C9orf153: variants seen among roughly 807,000 people sequenced by gnomAD.
C9orf153 encodes chromosome 9 open reading frame 153, also known as uncharacterized protein C9orf153.
Under a neutral mutation model 9.0 loss-of-function variants are expected in C9orf153, and 10 were observed. That is an observed-to-expected ratio of 1.11 (90% CI 0.69 to 1.89). The LOEUF (loss-of-function observed/expected upper bound fraction) is 1.89. Among genes scored for constraint, C9orf153 ranks in the 40% most tolerant of loss-of-function variants. C9orf153 has a pLI of 0.00. For synonymous variants in C9orf153, 35 were observed against 37.3 expected (o/e 0.94, Z 0.23); for missense variants, 108 against 111.0 (o/e 0.97, Z 0.12).
intron 2 of C9orf153, among the ~76,000 whole-genome samples, chr9:86,228,289 A>G (rs912662785): frequency 3.9e-5 from 6 of 152,238 alleles, no homozygotes; most frequent in African/African-American, 7.2e-5. Context: ...TTGTTATAAA[A>G]TTAGGCAGTT....
chr9:86,244,467 A>G (rs1824820986), intron 1 of C9orf153, among the ~76,000 whole-genome samples: 1 of 152,220 alleles, frequency 6.6e-6, no homozygotes, highest in African/African-American at 2.4e-5. Flanking sequence ...CTGATCTCAA[A>G]GATAACACTG....
chr9:86,229,671 A>C, intron 1 of C9orf153, 42 bp from the exon 2 acceptor site: 5 of 1,195,270 alleles, frequency 4.2e-6, no homozygotes, highest in Non-Finnish European at 6.1e-6. Flanking sequence ...TCAAAGATTA[A>C]AAATCAGATA....
intron 1 of C9orf153, 91 bp from the exon 2 acceptor site, chr9:86,229,720 A>T: frequency 1.4e-6 from 1 of 714,086 alleles, no homozygotes; most frequent in Non-Finnish European, 2.3e-6. Context: ...AAATCTTAAT[A>T]AATTTGTGAG....
At chr9:86,223,454 C>T (rs540953535) in intron 3 of C9orf153, among the ~76,000 whole-genome samples, 53 of 152,102 alleles carry the variant, frequency 3.5e-4, no homozygotes, top group African/African-American at 1.3e-3. Flanking sequence ...GGTGACAGAG[C>T]AAGACTCTGT....
Position 86,229,574 on chromosome 9 carries a change from A to G in C9orf153, c.30T>C (p.Ala10=), listed in dbSNP as rs2131178396. Residue 10 remains alanine, a synonymous_variant, in exon 2 of 4, where the codon GCT becomes GCC. Coordinates refer to ENST00000339137, the MANE Select transcript of C9orf153 (RefSeq NM_001276366.4). ...GAAGGGTGGCTTCTCTATTGTCCTC[A>G]GCTGGACTGGTGTCTCCAGTGAGGA... MFLTGDTSP[A]EDNREATLPQ... The G allele has an allele frequency of 6.2e-7, 1 of 1,613,350 alleles. No individual in the cohort carries two copies. The highest frequency in any genetic ancestry group is 1.1e-5 in the South Asian group (1 of 91,050).
At chr9:86,238,914 CAA>C (rs1247296704) in intron 1 of C9orf153, among the ~76,000 whole-genome samples, 2 of 150,310 alleles carry the variant, frequency 1.3e-5, no homozygotes, top group African/African-American at 2.5e-5. Flanking sequence ...TTATACTAAA[CAA>C]AAACAAATTA....
At chr9:86,254,214 T>C (rs2131208848) in intron 1 of C9orf153, among the ~76,000 whole-genome samples, 1 of 152,292 alleles carries the variant, frequency 6.6e-6, no homozygotes, top group East Asian at 1.9e-4. Context: ...AAAACTGTAG[T>C]ACACTTGTTA....
intron 3 of C9orf153, among the ~76,000 whole-genome samples, chr9:86,226,679 T>C (rs1824342477): frequency 6.6e-6 from 1 of 152,174 alleles, no homozygotes; most frequent in Non-Finnish European, 1.5e-5. Flanking sequence ...TCTCTCAAAT[T>C]ATATAAGATG....
intron 1 of C9orf153, among the ~76,000 whole-genome samples, chr9:86,234,585 A>T (rs1563999447): frequency 6.6e-6 from 1 of 152,218 alleles, no homozygotes; most frequent in African/African-American, 2.4e-5. Context: ...AGAACTAAGT[A>T]TGAGAGCTGA....
At position 86,255,385 on chromosome 9, in the gene C9orf153, T is replaced by C. The variant is rs576493008; in HGVS notation, c.-27+4165A>G. 5.3e-5 allele frequency among the ~76,000 whole-genome samples: 8 copies of C among 152,298 alleles called. No homozygotes were observed. The South Asian group carries it at 1.0e-3, about 20-fold the overall frequency. On this transcript the variant is annotated intron_variant, in intron 1 of 3. Transcript: ENST00000339137. ...GCAAAGTTGTCTTTCGTGGGGAGAT[T>C]TGCATCGTACACAATCTGCCTTGAT... is the stretch of plus-strand genomic sequence containing the variant.
At chr9:86,258,351 A>AG (rs1554686972) in intron 1 of C9orf153, 1 of 151,608 alleles carries the variant, frequency 6.6e-6, no homozygotes, top group African/African-American at 2.4e-5. Context: ...CAAAAAAAAA[A>AG]AAAAAAAAAG....
intron 1 of C9orf153, among the ~76,000 whole-genome samples, chr9:86,239,493 C>T (rs924150551): frequency 3.9e-5 from 6 of 152,074 alleles, no homozygotes; most frequent in Admixed American, 3.3e-4. Context: ...TAGGAGATTG[C>T]TTATAATGTT....
intron 1 of C9orf153, among the ~76,000 whole-genome samples, chr9:86,258,072 G>A (rs1044949666): frequency 1.3e-5 from 2 of 152,112 alleles, no homozygotes; most frequent in East Asian, 3.9e-4. Context: ...GGACGGGTGC[G>A]GTGGCTCACG....
intron 1 of C9orf153, among the ~76,000 whole-genome samples, chr9:86,252,356 T>C (rs1587810980): frequency 1.3e-5 from 2 of 152,264 alleles, no homozygotes; most frequent in South Asian, 4.2e-4. Context: ...TTTGATTGTT[T>C]GGAAAACTGA....
intron 1 of C9orf153, among the ~76,000 whole-genome samples, chr9:86,235,496 C>T (rs1010261531): frequency 8.6e-5 from 13 of 151,908 alleles, no homozygotes; most frequent in African/African-American, 3.1e-4. Context: ...GTGGCTTATG[C>T]CTGTAATACC....
At chr9:86,223,373 C>A (rs377481370) in intron 3 of C9orf153, among the ~76,000 whole-genome samples, 119 of 152,240 alleles carry the variant, frequency 7.8e-4, no homozygotes, top group African/African-American at 2.6e-3. Context: ...GAGGCTGATG[C>A]AGGAGAATCA....
chr9:86,232,336 C>A lies in C9orf153; in HGVS notation c.-26-2707G>T, dbSNP rs1371557051. Among the ~76,000 whole-genome samples, 3 of 152,314 alleles carry A rather than the reference C, an allele frequency of 2.0e-5. No homozygotes were observed. In the East Asian group the frequency reaches 5.8e-4, roughly 29 times the overall value. ...GTTGACTTGACTAGCAAACTTTTAA[C>A]CTCAGTTTTTGCTTGATCCAAGTCA... On this transcript the variant is annotated intron_variant, in intron 1 of 3. Transcript: ENST00000339137.
At chr9:86,247,851 CTGTT>C (rs1824903346) in intron 1 of C9orf153, among the ~76,000 whole-genome samples, 1 of 151,836 alleles carries the variant, frequency 6.6e-6, no homozygotes, top group Non-Finnish European at 1.5e-5. Context: ...TTTTTTGTCC[CTGTT>C]TGTTTTGGCC....
chr9:86,236,210 C>G (rs887727839), intron 1 of C9orf153, among the ~76,000 whole-genome samples: 1 of 151,858 alleles, frequency 6.6e-6, no homozygotes, highest in Admixed American at 6.6e-5. Flanking sequence ...AGAAAAAAAC[C>G]CACCAACCTA....
Sources: allele counts gnomAD v4.1 joint callset (sites outside exome capture counted in the v4.1 genomes callset), GRCh38; gene constraint gnomAD v4.1.1; transcripts MANE v1.5; gene names NCBI Gene and HGNC (gene_info 2026-07-23, HGNC 2026-07-21).